Variants in KLHL6 observed in about 807,000 individuals in gnomAD.
KLHL6 encodes kelch-like protein 6.
A neutral mutation model predicts 58.6 loss-of-function variants in KLHL6; 41 were observed. The ratio of observed to expected loss-of-function variants is 0.70; its 90% CI spans 0.55 to 0.91. KLHL6 has a LOEUF of 0.91. KLHL6 is among the 40% of genes least tolerant of loss of function. KLHL6 has a pLI of 0.00. For missense variants in KLHL6, 714 were observed against 805.6 expected (o/e 0.89, Z 1.38); for synonymous variants, 338 against 322.7 (o/e 1.05, Z -0.51).
rs1717561149 is a variant in KLHL6, at chr3:183,491,767, C to G, written c.*160G>C. On this transcript the variant is annotated 3_prime_UTR_variant, in exon 7 of 7. Transcript: ENST00000341319. ...ATTCCTGGCCGGTCTCAAGTGACCC[C>G]AAACTGTGACTTCCAAGGTTCCCCC... 3.6e-6 allele frequency: 2 copies of G among 563,020 alleles called. No individual in the cohort carries two copies. The highest frequency in any genetic ancestry group is 8.7e-5 in the South Asian group (2 of 23,094). 34.9% of individuals were successfully genotyped at this position (563,020 alleles called of 1,614,324 possible).
At chr3:183,519,918 C>A (rs796787263) in intron 2 of KLHL6, among the ~76,000 whole-genome samples, 897 of 87,622 alleles carry the variant, frequency 0.01, 10 homozygotes, top group Middle Eastern at 0.034. Context: ...AAAAAAAAAA[C>A]AAGAAAACAG....
chr3:183,515,633 C>T (rs1325620312), intron 2 of KLHL6, among the ~76,000 whole-genome samples: 14 of 152,144 alleles, frequency 9.2e-5, no homozygotes, highest in Non-Finnish European at 1.5e-4. Context: ...CTACTTCTTC[C>T]TTGACGGCTT....
chr3:183,500,190 T>C (rs933332142), intron 3 of KLHL6, among the ~76,000 whole-genome samples: 3 of 152,326 alleles, frequency 2.0e-5, no homozygotes, highest in East Asian at 3.9e-4. Context: ...CCTTAAATCC[T>C]GGAATTTTAT....
chr3:183,546,787 G>A (rs1387027168), intron 1 of KLHL6, among the ~76,000 whole-genome samples: 3 of 152,172 alleles, frequency 2.0e-5, no homozygotes, highest in Non-Finnish European at 2.9e-5. Context: ...ATCGGTAGAC[G>A]TAAATTGTTA....
chr3:183,505,796 G>A (rs1424079808), intron 3 of KLHL6, among the ~76,000 whole-genome samples: 4 of 152,092 alleles, frequency 2.6e-5, no homozygotes, highest in African/African-American at 9.7e-5. Context: ...TATATTAAAT[G>A]AAAAAATTCT....
At chr3:183,542,028 G>A (rs527828527) in intron 1 of KLHL6, among the ~76,000 whole-genome samples, 5 of 152,170 alleles carry the variant, frequency 3.3e-5, no homozygotes, top group Non-Finnish European at 7.4e-5. Context: ...CTGCTGGGCA[G>A]CGCTGCCTCT....
chr3:183,508,137 T>C lies in KLHL6; in HGVS notation c.831A>G (p.Ala277=), dbSNP rs1232450024. The C allele has an allele frequency of 6.2e-7, 1 of 1,614,076 alleles. No homozygotes were observed. Among genetic ancestry groups the C allele is most frequent in the Non-Finnish European group, 8.5e-7 (1 of 1,180,040 alleles). Residue 277 remains alanine (A), a synonymous_variant, in exon 3 of 7, where the codon GCA becomes GCG. Coordinates refer to ENST00000341319, the MANE Select transcript of KLHL6 (RefSeq NM_130446.4). ...DPWYFVETVE[A]DPLIRQCPEV... is the part of the protein sequence containing the mutation. ...CTGGGCACTGCCTGATGAGAGGATC[T>C]GCTTCCACCGTCTCCACAAAGTACC...
rs1315025393 is a variant in KLHL6 at position 183,508,354 on chromosome 3, A to C, written c.614T>G (p.Leu205Arg). The C allele has an allele frequency of 2.5e-6, 4 of 1,614,106 alleles. No homozygotes were observed. In the African/African-American group the frequency reaches 5.3e-5, roughly 22 times the overall value. ...CAGGTCAAGAAACTCCTCAGAGTTC[A>C]GAATCTGCACAAAGTTTTGAATGAT... ...SYIIQNFVQI[L>R]NSEEFLDLPV... Residue 205 changes from leucine (L) to arginine (R), a missense_variant, in exon 3 of 7, where the codon CTG (leucine) becomes CGG (arginine). Physicochemically the swap from Leu to Arg is moderately radical, Grantham distance 102. Coordinates refer to ENST00000341319, the MANE Select transcript of KLHL6 (RefSeq NM_130446.4).
chr3:183,508,322 C>T lies in KLHL6; in HGVS notation c.646G>A (p.Asp216Asn). 6.2e-7 allele frequency: 1 copy of T among 1,614,214 alleles called. No homozygotes were observed. The highest frequency in any genetic ancestry group is 8.5e-7 in the Non-Finnish European group (1 of 1,180,030). ...NSEEFLDLPV[D>N]TLHHILKSDD... ...CTCTTCAAGATGTGGTGCAGAGTGT[C>T]CACGGGCAGGTCAAGAAACTCCTCA... Residue 216 changes from aspartate (D) to asparagine (N), a missense_variant, in exon 3 of 7, where the codon GAC becomes AAC. By Grantham distance (23) the Asp-to-Asn change is conservative (BLOSUM62 1). Around this residue, in one of 2 missense-constraint regions of KLHL6, gnomAD observed 510 missense variants for 629.7 expected, o/e 0.81. Transcript: ENST00000341319.
chr3:183,554,372 G>T (rs995212751), intron 1 of KLHL6, among the ~76,000 whole-genome samples: 3 of 152,116 alleles, frequency 2.0e-5, no homozygotes, highest in African/African-American at 7.2e-5. Context: ...CCCTTTTCAC[G>T]CTCTTGTTTA....
Position 183,516,481 on chromosome 3 carries a change from G to A in KLHL6, c.460-7973C>T, listed in dbSNP as rs529636229. ...GGGGACATGTGAGCAAAAGGTTGCA[G>A]CCAGCCACCTGACTCTCAAATGAGG... On this transcript the variant is annotated intron_variant, in intron 2 of 6. Transcript: ENST00000341319. Among the ~76,000 whole-genome samples, 4 of 152,344 alleles carry A rather than the reference G, an allele frequency of 2.6e-5. No individual in the cohort carries two copies. In the South Asian group the frequency reaches 8.3e-4, roughly 32 times the overall value.
intron 2 of KLHL6, among the ~76,000 whole-genome samples, chr3:183,525,950 G>A (rs1711949790): frequency 6.6e-6 from 1 of 152,262 alleles, no homozygotes; most frequent in Admixed American, 6.5e-5. Context: ...AACAGGCAGT[G>A]TCACTGCTTC....
chr3:183,517,018 T>A (rs13066804), intron 2 of KLHL6, among the ~76,000 whole-genome samples: 1 of 152,154 alleles, frequency 6.6e-6, no homozygotes, highest in African/African-American at 2.4e-5. Context: ...AAGTGATTCT[T>A]GTGCCTCAGC....
Position 183,492,719 on chromosome 3 carries a change from C to G in KLHL6, c.1351-12G>C, listed in dbSNP as rs1717604300. The G allele has an allele frequency of 6.2e-7, 1 of 1,612,068 alleles. No homozygotes were observed. Among genetic ancestry groups the G allele is most frequent in the Admixed American group, 1.7e-5 (1 of 60,004 alleles). The stretch of plus-strand genomic sequence containing the variant: ...AGGAGGGGTGCGGCCTGTAGAGGCA[C>G]AGGGCACAAGAAGAAGCTGTCAGTC... On this transcript the variant is annotated splice_polypyrimidine_tract_variant and intron_variant, in intron 5 of 6. Coordinates refer to ENST00000341319, the MANE Select transcript of KLHL6 (RefSeq NM_130446.4). The surrounding 1 kb of genome is among the most constrained non-coding windows in gnomAD (Gnocchi z 5.9).
At chr3:183,535,168 C>T (rs1367313958) in intron 1 of KLHL6, among the ~76,000 whole-genome samples, 1 of 152,150 alleles carries the variant, frequency 6.6e-6, no homozygotes, top group East Asian at 1.9e-4. Context: ...TGGTCTCAAA[C>T]TCCTGACCTT....
rs535540527 is a variant in KLHL6 at position 183,508,147 on chromosome 3, G to A, written c.821C>T (p.Thr274Met). The A allele has an allele frequency of 1.5e-5, 24 of 1,614,134 alleles. No individual in the cohort carries two copies. Among genetic ancestry groups the A allele is most frequent in the Admixed American group, 1.2e-4 (7 of 60,022 alleles). ...CCTGATGAGAGGATCTGCTTCCACC[G>A]TCTCCACAAAGTACCACGGGTCCAG... ...PLLDPWYFVE[T>M]VEADPLIRQC... Residue 274 changes from threonine (T) to methionine (M), a missense_variant, in exon 3 of 7, where the codon ACG (threonine) becomes ATG (methionine). Physicochemically the swap from Thr to Met is moderately conservative, Grantham distance 81 (BLOSUM62 -1). This residue lies in a region of KLHL6 where 510 missense variants were observed against 629.7 expected (regional missense o/e 0.81). Transcript: ENST00000341319.
chr3:183,534,894 ATATG>A (rs1005766726), intron 1 of KLHL6, among the ~76,000 whole-genome samples: 15 of 149,874 alleles, frequency 1.0e-4, no homozygotes, highest in South Asian at 8.3e-4. Context: ...ATATATGTAT[ATATG>A]TATGTATGTA....
chr3:183,545,490 C>A (rs1712687981), intron 1 of KLHL6, among the ~76,000 whole-genome samples: 3 of 152,168 alleles, frequency 2.0e-5, no homozygotes, highest in Admixed American at 1.3e-4. Context: ...TAGTTGGGAG[C>A]TGCATGGAAG....
rs764687372 is a variant in KLHL6, at chr3:183,492,596, A to G, written c.1462T>C (p.Cys488Arg). ...CACTTGTTGGTGGAAGGGTCATAAC[A>G]CTGAGTCTTGTCTGTGGCCAGTTTC... ...NGKLATDKTQ[C>R]YDPSTNKWSL... Residue 488 changes from cysteine to arginine, a missense_variant, in exon 6 of 7, where the codon TGT becomes CGT. Physicochemically the swap from Cys to Arg is radical, Grantham distance 180 (BLOSUM62 -3). Coordinates refer to ENST00000341319, the MANE Select transcript of KLHL6 (RefSeq NM_130446.4). This position sits in a 1 kb window ranked among gnomAD's most constrained non-coding sequence, Gnocchi z 5.9. 2 of 1,614,120 alleles carry G rather than the reference A, an allele frequency of 1.2e-6. No homozygotes were observed. The highest frequency in any genetic ancestry group is 1.7e-6 in the Non-Finnish European group (2 of 1,180,020).
Sources: gnomAD v4.1 joint callset for allele counts (sites outside exome capture counted in the v4.1 genomes callset) on GRCh38, gnomAD v4.1.1 for gene constraint, gnomAD v4.1.1 regional missense constraint, Gnocchi (gnomAD v3.1) non-coding constraint, MANE v1.5 for transcripts, NCBI Gene and HGNC (gene_info 2026-07-23, HGNC 2026-07-21) for gene names.